Variants in ADRA1A observed in about 807,000 individuals in gnomAD.
ADRA1A encodes alpha-1A adrenergic receptor.
A neutral mutation model predicts 29.6 loss-of-function variants in ADRA1A; 31 were observed. The observed-to-expected ratio is 1.05, with a 90% CI of 0.79 to 1.41. The LOEUF (loss-of-function observed/expected upper bound fraction) is 1.41, where lower values mean the gene tolerates loss of function less well. ADRA1A is among the 40% of genes most tolerant of loss of function. The pLI is 0.00. For missense variants in ADRA1A, 619 were observed against 601.1 expected, an observed-to-expected ratio of 1.03 and a Z score of -0.31; for synonymous variants, 311 against 254.3, an observed-to-expected ratio of 1.22 and a Z score of -2.12.
rs889159385 is a variant in ADRA1A, at chr8:26,805,824, T to TC, written c.884-35159dup. On this transcript the variant is annotated intron_variant, in intron 2 of 2. Coordinates refer to ENST00000380573, the MANE Select transcript of ADRA1A (RefSeq NM_000680.4). This position sits in a 1 kb window ranked among gnomAD's most constrained non-coding sequence, Gnocchi z 4.8. ...TGAACACATTTATTTTTAACCATTT[T>TC]CCCCCCCACATAGATTTGGCATTAT... Among the ~76,000 whole-genome samples the TC allele has an allele frequency of 1.5e-4, 23 of 152,048 alleles. No homozygotes were observed. The highest frequency in any genetic ancestry group is 6.5e-4 in the Admixed American group (10 of 15,274).
intron 2 of ADRA1A, among the ~76,000 whole-genome samples, chr8:26,861,978 G>A (rs1412335968): frequency 6.6e-6 from 1 of 151,826 alleles, no homozygotes; most frequent in Non-Finnish European, 1.5e-5. Context: ...CAACCAGAAT[G>A]ATCCTTCAAA....
chr8:26,845,582 G>A (rs1812142077), intron 2 of ADRA1A, among the ~76,000 whole-genome samples: 1 of 152,094 alleles, frequency 6.6e-6, no homozygotes. Flanking sequence ...CAACTCCTAG[G>A]GGTATACCTA....
At chr8:26,812,760 G>A (rs1809490286) in intron 2 of ADRA1A, among the ~76,000 whole-genome samples, 1 of 151,768 alleles carries the variant, frequency 6.6e-6, no homozygotes, top group Non-Finnish European at 1.5e-5. Flanking sequence ...CGCCTCCCGG[G>A]TTCACGCCAT....
rs1218856837 is a variant in ADRA1A at position 26,831,963 on chromosome 8, CAG to C, written c.883+32122_883+32123del. Reference sequence around the variant, plus strand: ...TGTGGTTTGTAGGCTGGAGTGGGGACAGAGGCCTGCTGGTCTCACCCCACATT... The same window carrying C: ...TGTGGTTTGTAGGCTGGAGTGGGGACAGGCCTGCTGGTCTCACCCCACATT... On this transcript the variant is annotated intron_variant, in intron 2 of 2. Coordinates refer to ENST00000380573, the MANE Select transcript of ADRA1A (RefSeq NM_000680.4). The surrounding 1 kb of genome is among the most constrained non-coding windows in gnomAD (Gnocchi z 5.2). Among the ~76,000 whole-genome samples, 1 of 152,174 alleles carries C rather than the reference CAG, an allele frequency of 6.6e-6. No individual in the cohort carries two copies. Among genetic ancestry groups the C allele is most frequent in the East Asian group, 1.9e-4 (1 of 5,160 alleles).
chr8:26,847,894 T>A (rs1812330467), intron 2 of ADRA1A, among the ~76,000 whole-genome samples: 1 of 152,230 alleles, frequency 6.6e-6, no homozygotes, highest in Admixed American at 6.5e-5. Context: ...GACGCAGGGT[T>A]CCCTGGCTGC....
Position 26,796,958 on chromosome 8 carries a change from T to C in ADRA1A, c.884-26292A>G, listed in dbSNP as rs1162885930. 6.6e-6 allele frequency among the ~76,000 whole-genome samples: 1 copy of C among 152,172 alleles called. No individual in the cohort carries two copies. Among genetic ancestry groups the C allele is most frequent in the Non-Finnish European group, 1.5e-5 (1 of 68,014 alleles). ...GAGAGTGAAATGAAGGGAGTCGTAT[T>C]AGAGCATGAGTTCTCTCAGCGTTCT... On this transcript the variant is annotated intron_variant, in intron 2 of 2. Transcript: ENST00000380573. The surrounding 1 kb of genome is among the most constrained non-coding windows in gnomAD (Gnocchi z 5.0).
intron 2 of ADRA1A, among the ~76,000 whole-genome samples, chr8:26,751,041 C>G (rs561880227): frequency 1.3e-5 from 2 of 150,740 alleles, no homozygotes; most frequent in East Asian, 3.9e-4. Flanking sequence ...TGCACTCCAG[C>G]CTGGGCAACA....
chr8:26,756,881 A>G (rs1224181469), intron 2 of ADRA1A: 13 of 1,514,976 alleles, frequency 8.6e-6, no homozygotes, highest in Non-Finnish European at 1.2e-5. Context: ...TTGTAGAGTA[A>G]GAATTCTTAC....
rs1346580028 is a variant in ADRA1A at position 26,805,774 on chromosome 8, C to T, written c.884-35108G>A. Among the ~76,000 whole-genome samples the T allele has an allele frequency of 6.6e-6, 1 of 152,182 alleles. No homozygotes were observed. The highest frequency in any genetic ancestry group is 1.5e-5 in the Non-Finnish European group (1 of 68,028). ...AAGAATCTTGATGAGCCAAGAGTTA[C>T]TGGAACTTCAGTAAGCTCATTACTT... On this transcript the variant is annotated intron_variant, in intron 2 of 2. Transcript: ENST00000380573. The surrounding 1 kb of genome is among the most constrained non-coding windows in gnomAD (Gnocchi z 4.8).
chr8:26,776,772 G>A (rs987067245), intron 2 of ADRA1A, among the ~76,000 whole-genome samples: 6 of 152,228 alleles, frequency 3.9e-5, no homozygotes, highest in African/African-American at 1.4e-4. Context: ...GGGTTTGTCA[G>A]CAGGGCCTTA....
chr8:26,854,761 C>T (rs941744024), intron 2 of ADRA1A: 9 of 152,182 alleles, frequency 5.9e-5, no homozygotes, highest in South Asian at 2.1e-4. Flanking sequence ...AGCCCCTAGG[C>T]GTGGTCAGTA....
intron 2 of ADRA1A, among the ~76,000 whole-genome samples, chr8:26,783,698 T>G (rs1445030774): frequency 2.0e-5 from 3 of 152,212 alleles, no homozygotes; most frequent in African/African-American, 7.2e-5. Context: ...CAAAGGAATA[T>G]AAATCATTCT....
Position 26,864,472 on chromosome 8 carries a change from C to T in ADRA1A, c.498G>A (p.Arg166=), listed in dbSNP as rs761632374. Residue 166 remains arginine (R), a synonymous_variant, in exon 2 of 3, where the codon AGG becomes AGA. Coordinates refer to ENST00000380573, the MANE Select transcript of ADRA1A (RefSeq NM_000680.4). The surrounding 1 kb of genome is among the most constrained non-coding windows in gnomAD (Gnocchi z 8.1). ...VISIGPLFGW[R]QPAPEDETIC... ...TGGTCTCGTCCTCGGGGGCCGGCTG[C>T]CTCCAGCCGAACAGGGGTCCAATGG... The T allele has an allele frequency of 1.2e-6, 2 of 1,613,620 alleles. No individual in the cohort carries two copies. Among genetic ancestry groups the T allele is most frequent in the Non-Finnish European group, 8.5e-7 (1 of 1,180,020 alleles).
In ADRA1A at chr8:26,848,546, C is replaced by T. The variant is rs1418322534; in HGVS notation, c.883+15541G>A. ...ACCAAGAGCCTGACAATGCTAGAAC[C>T]CTGATCTCAGACTTCCAGCCTCCAG... is the stretch of plus-strand genomic sequence containing the variant. On this transcript the variant is annotated intron_variant, in intron 2 of 2. Transcript: ENST00000380573. This position sits in a 1 kb window ranked among gnomAD's most constrained non-coding sequence, Gnocchi z 4.3. 1.3e-5 allele frequency among the ~76,000 whole-genome samples: 2 copies of T among 152,140 alleles called. No individual in the cohort carries two copies. Among genetic ancestry groups the T allele is most frequent in the Non-Finnish European group, 2.9e-5 (2 of 68,022 alleles).
intron 2 of ADRA1A, among the ~76,000 whole-genome samples, chr8:26,817,145 T>C (rs528617500): frequency 6.6e-6 from 1 of 152,304 alleles, no homozygotes; most frequent in East Asian, 1.9e-4. Context: ...ATCTGATAAA[T>C]GACTTGTATT....
intron 2 of ADRA1A, among the ~76,000 whole-genome samples, chr8:26,811,731 C>G (rs2130542269): frequency 6.6e-6 from 1 of 152,334 alleles, no homozygotes. Context: ...AGAAGGCTCC[C>G]TCATGCTCCC....
chr8:26,784,643 G>A (rs1359388863), intron 2 of ADRA1A, among the ~76,000 whole-genome samples: 3 of 152,216 alleles, frequency 2.0e-5, no homozygotes, highest in African/African-American at 7.2e-5. Context: ...TGGAGAGTTA[G>A]AAGAGTTTCT....
At chr8:26,816,535 G>A (rs1205359465) in intron 2 of ADRA1A, among the ~76,000 whole-genome samples, 6 of 60,730 alleles carry the variant, frequency 9.9e-5, no homozygotes, top group Non-Finnish European at 1.9e-4. Context: ...CATGGTGTAT[G>A]TGTGTGTGTG....
intron 2 of ADRA1A, among the ~76,000 whole-genome samples, chr8:26,750,556 C>T (rs1043076988): frequency 2.7e-4 from 41 of 152,154 alleles, no homozygotes; most frequent in African/African-American, 9.9e-4. Context: ...GTCCTCATGA[C>T]CTAATTACTT....
Sources: gnomAD v4.1 joint callset for allele counts (sites outside exome capture counted in the v4.1 genomes callset) on GRCh38, gnomAD v4.1.1 for gene constraint, Gnocchi (gnomAD v3.1) non-coding constraint, MANE v1.5 for transcripts, NCBI Gene and HGNC (gene_info 2026-07-23, HGNC 2026-07-21) for gene names.